The following SVOPL variants were observed in gnomAD, a reference collection of about 807,000 sequenced individuals.
SVOPL encodes the protein SVOP like.
In SVOPL, 60 loss-of-function variants were observed where a neutral mutation model predicts 61.0. The observed-to-expected ratio is 0.98, with a 90% CI of 0.80 to 1.22. SVOPL has a LOEUF of 1.22. Among genes scored for constraint, SVOPL ranks in the 50% most tolerant of loss-of-function variants. The pLI is 0.00. For missense variants in SVOPL, 662 were observed against 643.9 expected (o/e 1.03, Z -0.30); for synonymous variants, 279 against 250.0 (o/e 1.12, Z -1.09).
chr7:138,609,881 C>T (rs987169080), intron 14 of SVOPL, among the ~76,000 whole-genome samples: 3 of 151,932 alleles, frequency 2.0e-5, no homozygotes, highest in Admixed American at 6.6e-5. Context: ...TAAAGGCACC[C>T]GCCACCACAC....
chr7:138,663,893 C>A (rs941122002), intron 4 of SVOPL, among the ~76,000 whole-genome samples: 1 of 152,156 alleles, frequency 6.6e-6, no homozygotes, highest in African/African-American at 2.4e-5. Context: ...GTTTCCCTTT[C>A]GCTGTCGCTG....
intron 14 of SVOPL, chr7:138,597,325 A>C: frequency 1.0e-6 from 1 of 969,802 alleles, no homozygotes; most frequent in Non-Finnish European, 1.4e-6. Flanking sequence ...TCTTCCCTTT[A>C]CAGATGAGCC....
chr7:138,596,631 T>C, intron 14 of SVOPL, 101 bp from the exon 15 acceptor site: 1 of 1,473,926 alleles, frequency 6.8e-7, no homozygotes, highest in Non-Finnish European at 9.0e-7. Context: ...ACTAAGATGG[T>C]CCTTTGCAGC....
chr7:138,674,804 C>T (rs1266994480), intron 3 of SVOPL, among the ~76,000 whole-genome samples: 6 of 150,520 alleles, frequency 4.0e-5, no homozygotes, highest in Non-Finnish European at 8.9e-5. Context: ...TGCAGTGAGC[C>T]GAGATCACGC....
intron 5 of SVOPL, chr7:138,662,746 T>C (rs1802054587): frequency 8.9e-7 from 1 of 1,125,100 alleles, no homozygotes; most frequent in Non-Finnish European, 1.1e-6. Flanking sequence ...TGACTGCTTC[T>C]AAGTCCCAAC....
chr7:138,700,020 G>A (rs1046624873), intron 1 of SVOPL, among the ~76,000 whole-genome samples: 1 of 152,216 alleles, frequency 6.6e-6, no homozygotes, highest in Non-Finnish European at 1.5e-5. Context: ...GGAGCAAGTT[G>A]CAGGGCACAG....
intron 1 of SVOPL, among the ~76,000 whole-genome samples, chr7:138,691,687 T>C (rs1198440326): frequency 1.3e-5 from 2 of 151,816 alleles, no homozygotes; most frequent in African/African-American, 4.8e-5. Context: ...ATTACAGGCG[T>C]GCACCACCAC....
intron 9 of SVOPL, among the ~76,000 whole-genome samples, chr7:138,634,233 G>A (rs980686833): frequency 6.6e-6 from 1 of 152,174 alleles, no homozygotes; most frequent in Non-Finnish European, 1.5e-5. Context: ...AGGATCTGGT[G>A]CAGTAGCACA....
intron 1 of SVOPL, among the ~76,000 whole-genome samples, chr7:138,681,178 T>G (rs1020194389): frequency 1.1e-4 from 16 of 148,544 alleles, no homozygotes; most frequent in Non-Finnish European, 3.0e-5. Context: ...ACATATAATA[T>G]TAACAAATAT....
At chr7:138,694,853 C>T (rs1007023404) in intron 1 of SVOPL, among the ~76,000 whole-genome samples, 2 of 152,128 alleles carry the variant, frequency 1.3e-5, no homozygotes, top group Non-Finnish European at 2.9e-5. Flanking sequence ...ATTCTCCTGC[C>T]TCAGCCTCCT....
At chr7:138,631,586 TG>T (rs2116929643) in intron 9 of SVOPL, among the ~76,000 whole-genome samples, 1 of 152,136 alleles carries the variant, frequency 6.6e-6, no homozygotes, top group Admixed American at 6.6e-5. Flanking sequence ...GCTTTTTTTT[TG>T]GGAAGGAGTC....
chr7:138,635,477 A>G (rs925317514), intron 9 of SVOPL, among the ~76,000 whole-genome samples: 93 of 151,556 alleles, frequency 6.1e-4, no homozygotes, highest in African/African-American at 2.2e-3. Context: ...GTCTCAAGCA[A>G]CCCTCCTGCC....
intron 9 of SVOPL, among the ~76,000 whole-genome samples, chr7:138,635,328 A>G (rs1800418739): frequency 6.6e-6 from 1 of 151,960 alleles, no homozygotes; most frequent in African/African-American, 2.4e-5. Context: ...TTGCCACAAT[A>G]AAAAGACTCA....
At chr7:138,595,827 A>G (rs1342739886) in intron 15 of SVOPL, among the ~76,000 whole-genome samples, 1 of 152,210 alleles carries the variant, frequency 6.6e-6, no homozygotes, top group Non-Finnish European at 1.5e-5. Flanking sequence ...TGCATTCACA[A>G]TTACATAATA....
In SVOPL at chr7:138,605,910, C is replaced by A. The variant is rs894366319; in HGVS notation, c.1354-9380G>T. Among the ~76,000 whole-genome samples, 16 of 152,080 alleles carry A rather than the reference C, an allele frequency of 1.1e-4. No individual in the cohort carries two copies. In the East Asian group the frequency reaches 2.7e-3, roughly 26 times the overall value. On this transcript the variant is annotated intron_variant, in intron 14 of 15. Coordinates refer to ENST00000674285, the MANE Select transcript of SVOPL (RefSeq NM_001139456.2). ...TTTTCCAATCAACCTCTTGCATGTGCAATTCCATGTTGGCATCTGTTTCTC... is the reference window on the plus strand; with the variant it reads ...TTTTCCAATCAACCTCTTGCATGTGAAATTCCATGTTGGCATCTGTTTCTC...
chr7:138,603,111 G>A (rs1353871746), intron 14 of SVOPL, among the ~76,000 whole-genome samples: 1 of 152,110 alleles, frequency 6.6e-6, no homozygotes, highest in African/African-American at 2.4e-5. Flanking sequence ...TGCCCAGAGA[G>A]ACAAAACATA....
In SVOPL at chr7:138,605,395, C is replaced by CT. The variant is rs1260469584; in HGVS notation, c.1354-8866dup. Reference sequence around the variant, plus strand: ...CTAGAATGAAGGCCGGGTGCAGTGGCTCACGCCTGTAATCCTAGCACTTTG... The same window carrying CT: ...CTAGAATGAAGGCCGGGTGCAGTGGCTTCACGCCTGTAATCCTAGCACTTTG... On this transcript the variant is annotated intron_variant, in intron 14 of 15. Transcript: ENST00000674285. Among the ~76,000 whole-genome samples, 3 of 151,674 alleles carry CT rather than the reference C, an allele frequency of 2.0e-5. No individual in the cohort carries two copies. In the East Asian group the frequency reaches 5.9e-4, roughly 30 times the overall value.
At chr7:138,682,860 C>T (rs946848117) in intron 1 of SVOPL, among the ~76,000 whole-genome samples, 2 of 149,390 alleles carry the variant, frequency 1.3e-5, no homozygotes, top group African/African-American at 5.0e-5. Flanking sequence ...CTCAGCTACT[C>T]GGGAGGCTGA....
At chr7:138,630,872 G>A (rs1436206297) in intron 9 of SVOPL, among the ~76,000 whole-genome samples, 1 of 148,274 alleles carries the variant, frequency 6.7e-6, no homozygotes, top group Non-Finnish European at 1.5e-5. Context: ...GAACCCAGGA[G>A]ATGGAGGTTG....
Sources: allele counts gnomAD v4.1 joint callset (sites outside exome capture counted in the v4.1 genomes callset), GRCh38; gene constraint gnomAD v4.1.1; transcripts MANE v1.5; gene names NCBI Gene and HGNC (gene_info 2026-07-23, HGNC 2026-07-21).